CEP89: variants seen among roughly 807,000 people sequenced by gnomAD.
CEP89 encodes centrosomal protein 89.
Under a neutral mutation model 97.6 loss-of-function variants are expected in CEP89, and 95 were observed. The observed-to-expected ratio is 0.97, with a 90% CI of 0.82 to 1.15. The LOEUF (loss-of-function observed/expected upper bound fraction) is 1.15, where lower values mean the gene tolerates loss of function less well. Among genes scored for constraint, CEP89 ranks in the 50% most tolerant of loss-of-function variants. CEP89 has a pLI of 0.00. For missense variants in CEP89, 869 were observed against 947.7 expected, an observed-to-expected ratio of 0.92 and a Z score of 1.09; for synonymous variants, 354 against 349.1, an observed-to-expected ratio of 1.01 and a Z score of -0.16.
chr19:32,887,128 C>A (rs895288171), intron 17 of CEP89, among the ~76,000 whole-genome samples: 1 of 151,680 alleles, frequency 6.6e-6, no homozygotes, highest in Non-Finnish European at 1.5e-5. Context: ...GAGTTCGAGG[C>A]TGCAGTGAGC....
In CEP89 at chr19:32,879,280, A is replaced by G; in HGVS notation, c.2234T>C (p.Val745Ala). 6.2e-7 allele frequency: 1 copy of G among 1,614,248 alleles called. No homozygotes were observed. The highest frequency in any genetic ancestry group is 1.1e-5 in the South Asian group (1 of 91,090). Residue 745 changes from valine to alanine, a missense_variant, in exon 19 of 19, where the codon GTG becomes GCG. By Grantham distance (64) the Val-to-Ala change is moderately conservative. Transcript: ENST00000305768. The stretch of plus-strand genomic sequence containing the variant: ...AACCAGAGCTCTGGGGTTGTCCTGC[A>G]CGCCTGTCCTCGTGAGTGTGTCCTG... ...LLQDTLTRTGVQDNPRALVAP... is the reference protein window; with the variant it reads ...LLQDTLTRTGAQDNPRALVAP...
intron 16 of CEP89, among the ~76,000 whole-genome samples, chr19:32,889,039 T>A (rs1054414314): frequency 1.3e-5 from 2 of 151,936 alleles, no homozygotes; most frequent in Non-Finnish European, 2.9e-5. Context: ...CAAGGCAGAG[T>A]GGAGTCCTCC....
intron 5 of CEP89, among the ~76,000 whole-genome samples, chr19:32,943,532 G>A (rs1340049605): frequency 6.6e-6 from 1 of 152,046 alleles, no homozygotes; most frequent in African/African-American, 2.4e-5. Flanking sequence ...AGCCGAGATG[G>A]GAGGATGGTT....
At chr19:32,909,328 C>T (rs1969952144) in intron 14 of CEP89, among the ~76,000 whole-genome samples, 1 of 152,166 alleles carries the variant, frequency 6.6e-6, no homozygotes, top group Admixed American at 6.5e-5. Flanking sequence ...ATTGCATGCA[C>T]CTTATCTATA....
intron 16 of CEP89, among the ~76,000 whole-genome samples, chr19:32,890,520 C>T (rs1349576765): frequency 6.6e-6 from 1 of 152,148 alleles, no homozygotes; most frequent in Non-Finnish European, 1.5e-5. Context: ...AGTCAGTCAT[C>T]GCACGGAGAA....
rs1394197842 is a variant in CEP89, at chr19:32,877,123, A to G, written c.*2039T>C. 6.6e-6 allele frequency: 1 copy of G among 152,202 alleles called. No homozygotes were observed. The highest frequency in any genetic ancestry group is 1.9e-4 in the East Asian group (1 of 5,188). The allele number at this position is 152,202 out of a possible 1,614,324, so 9.4% of individuals were successfully genotyped here. A position where few individuals can be genotyped will look rare whatever the true frequency, so the allele number is the denominator to read the frequency against. ...ATTTGTTAGGTCATCTCCTAGGGAG[A>G]TGATACACAGTTTTCAATCCCAGTG... On this transcript the variant is annotated 3_prime_UTR_variant, in exon 19 of 19. Coordinates refer to ENST00000305768, the MANE Select transcript of CEP89 (RefSeq NM_032816.5).
intron 5 of CEP89, among the ~76,000 whole-genome samples, chr19:32,940,628 C>T (rs921758564): frequency 8.5e-5 from 13 of 152,188 alleles, no homozygotes; most frequent in Admixed American, 7.9e-4. Flanking sequence ...ACTGTCTCAA[C>T]GACAGAGAGG....
intron 13 of CEP89, among the ~76,000 whole-genome samples, chr19:32,916,970 T>A (rs1970140300): frequency 6.6e-6 from 1 of 152,092 alleles, no homozygotes; most frequent in Non-Finnish European, 1.5e-5. Context: ...ATCATGCCAC[T>A]GCACTCCAGT....
At chr19:32,921,362 T>C (rs1818032886) in intron 12 of CEP89, among the ~76,000 whole-genome samples, 1 of 152,026 alleles carries the variant, frequency 6.6e-6, no homozygotes, top group Non-Finnish European at 1.5e-5. Flanking sequence ...AGTGTGATGC[T>C]CCAGAGCCCA....
chr19:32,920,061 C>A (rs895525724), intron 12 of CEP89, among the ~76,000 whole-genome samples: 2 of 152,142 alleles, frequency 1.3e-5, no homozygotes, highest in African/African-American at 4.8e-5. Flanking sequence ...GAAACAGGGT[C>A]TTGTTCTGTC....
rs747622901 is a variant in CEP89, at chr19:32,948,253, T to C, written c.595+13A>G. On this transcript the variant is annotated intron_variant, in intron 5 of 18. Transcript: ENST00000305768. ...TCTTATATTTTATAAAAATTGTGGTTTTTTTTTTCTACCTTTTTGTTGTGT... is the reference window on the plus strand; with the variant it reads ...TCTTATATTTTATAAAAATTGTGGTCTTTTTTTTCTACCTTTTTGTTGTGT... 1.3e-4 allele frequency: 189 copies of C among 1,462,244 alleles called. 1 individual carries two copies. Among genetic ancestry groups the C allele is most frequent in the Non-Finnish European group, 1.4e-4 (151 of 1,080,072 alleles). 90.6% of individuals were successfully genotyped at this position (1,462,244 alleles called of 1,614,324 possible).
At chr19:32,924,155 C>T (rs1970309354) in intron 11 of CEP89, among the ~76,000 whole-genome samples, 1 of 151,826 alleles carries the variant, frequency 6.6e-6, no homozygotes, top group Non-Finnish European at 1.5e-5. Flanking sequence ...CTATGCCTGG[C>T]TAATTTTTGT....
At chr19:32,916,991 G>C (rs1157977718) in intron 13 of CEP89, among the ~76,000 whole-genome samples, 1 of 152,172 alleles carries the variant, frequency 6.6e-6, no homozygotes, top group Non-Finnish European at 1.5e-5. Flanking sequence ...CTGGGCGACA[G>C]AGTGAGACTG....
chr19:32,921,294 G>A (rs1038062518), intron 12 of CEP89, among the ~76,000 whole-genome samples: 1 of 152,174 alleles, frequency 6.6e-6, no homozygotes, highest in Non-Finnish European at 1.5e-5. Context: ...AGTGCTGCAT[G>A]CAGGTTTAGC....
intron 6 of CEP89, among the ~76,000 whole-genome samples, chr19:32,938,322 A>T (rs903045646): frequency 6.6e-6 from 1 of 152,118 alleles, no homozygotes; most frequent in African/African-American, 2.4e-5. Context: ...CTGAGCAGAG[A>T]TGCCCTCAGC....
chr19:32,946,715 T>C (rs1196365821), intron 5 of CEP89, among the ~76,000 whole-genome samples: 2 of 152,108 alleles, frequency 1.3e-5, no homozygotes, highest in African/African-American at 2.4e-5. Context: ...TGAAATCTGA[T>C]GGTTTTATAA....
chr19:32,951,532 T>TACACACACACAC (rs1227138116), intron 4 of CEP89, among the ~76,000 whole-genome samples: 32 of 112,408 alleles, frequency 2.8e-4, no homozygotes, highest in African/African-American at 8.7e-4. Flanking sequence ...TATATATATA[T>TACACACACACAC]ATACACACAC....
intron 4 of CEP89, among the ~76,000 whole-genome samples, chr19:32,948,644 C>T (rs1383151315): frequency 6.6e-6 from 1 of 152,174 alleles, no homozygotes; most frequent in Middle Eastern, 3.2e-3. Context: ...GCCATGTTGC[C>T]AGGGCAGCTT....
intron 16 of CEP89, among the ~76,000 whole-genome samples, chr19:32,896,284 G>A (rs1969639659): frequency 6.6e-6 from 1 of 152,050 alleles, no homozygotes; most frequent in African/African-American, 2.4e-5. Flanking sequence ...TTGGCCAGTG[G>A]AACAGAATAA....
Sources: allele counts gnomAD v4.1 joint callset (sites outside exome capture counted in the v4.1 genomes callset), GRCh38; gene constraint gnomAD v4.1.1; transcripts MANE v1.5; gene names NCBI Gene and HGNC (gene_info 2026-07-23, HGNC 2026-07-21).